The following METTL9 variants were observed in gnomAD, a reference collection of about 807,000 sequenced individuals.
METTL9 encodes the protein methyltransferase 9, His-X-His N1(pi)-histidine.
METTL9 carries 10 observed loss-of-function variants against 36.0 expected under a neutral mutation model. That is an observed-to-expected ratio of 0.28 (90% CI 0.17 to 0.47). METTL9 has a LOEUF of 0.47. METTL9 is among the 20% of genes least tolerant of loss of function. The pLI is 0.99. For missense variants in METTL9, 246 were observed against 383.5 expected (o/e 0.64, Z 3.00); for synonymous variants, 175 against 149.7 (o/e 1.17, Z -1.23).
Position 21,618,199 on chromosome 16 carries a change from T to G in METTL9, c.566+125T>G, listed in dbSNP as rs1055507570. ...CATCTCATACATAATTAACTGGAAA[T>G]GTAGAGAAATAATCTTCTGGTAGCA... is the stretch of plus-strand genomic sequence containing the variant. On this transcript the variant is annotated intron_variant, in intron 3 of 4. Transcript: ENST00000358154. 2.3e-5 allele frequency: 18 copies of G among 790,484 alleles called. No individual in the cohort carries two copies. In the South Asian group the frequency reaches 3.7e-4, roughly 16 times the overall value. The allele number at this position is 790,484 out of a possible 1,614,324, so 49.0% of individuals were successfully genotyped here.
In METTL9 at chr16:21,617,866, T is replaced by C. The variant is rs764391674; in HGVS notation, c.358T>C (p.Leu120=). 16 of 1,613,752 alleles carry C rather than the reference T, an allele frequency of 9.9e-6. No individual in the cohort carries two copies. Among genetic ancestry groups the C allele is most frequent in the Non-Finnish European group, 1.3e-5 (15 of 1,179,852 alleles). The change falls in exon 3 of 5, where the codon TTG becomes CTG. Residue 120 remains leucine, a splice_region_variant and synonymous_variant. Coordinates refer to ENST00000358154, the MANE Select transcript of METTL9 (RefSeq NM_016025.5). ...LFMSRTSING[L]LGRGSMFVFS... ...ATTTTTGTCCTTTTTTTCTTTCAGG[T>C]TGCTAGGAAGAGGCTCAATGTTTGT...
At chr16:21,620,509 C>T (rs764708019) in intron 3 of METTL9, among the ~76,000 whole-genome samples, 12 of 152,246 alleles carry the variant, frequency 7.9e-5, no homozygotes, top group Non-Finnish European at 1.5e-4. Context: ...GATGATTGAC[C>T]GCCCCAGCCT....
At chr16:21,644,742 T>G (rs1966380283) in intron 4 of METTL9, among the ~76,000 whole-genome samples, 2 of 152,236 alleles carry the variant, frequency 1.3e-5, no homozygotes, top group East Asian at 3.8e-4. Flanking sequence ...TAAAATCTCT[T>G]TTGGTAGAAA....
intron 3 of METTL9, among the ~76,000 whole-genome samples, chr16:21,623,424 T>C (rs1965750285): frequency 6.6e-6 from 1 of 152,224 alleles, no homozygotes; most frequent in South Asian, 2.1e-4. Context: ...TCTTACTGTA[T>C]CTGCTCAACA....
chr16:21,604,097 G>A (rs1442317065), intron 1 of METTL9, among the ~76,000 whole-genome samples: 1 of 152,150 alleles, frequency 6.6e-6, no homozygotes, highest in Non-Finnish European at 1.5e-5. Flanking sequence ...AGTTAACAAT[G>A]CTTCAAGGAT....
intron 1 of METTL9, among the ~76,000 whole-genome samples, chr16:21,600,497 C>T (rs1292157764): frequency 2.0e-5 from 3 of 152,182 alleles, no homozygotes; most frequent in African/African-American, 7.2e-5. Flanking sequence ...GGAACCTTCC[C>T]CTCCTACCTA....
At chr16:21,641,707 A>G (rs1432207009) in intron 4 of METTL9, 8 of 539,082 alleles carry the variant, frequency 1.5e-5, no homozygotes, top group Admixed American at 3.6e-5. Flanking sequence ...CTAAGTGTCC[A>G]TATGGTAATC....
intron 4 of METTL9, chr16:21,646,777 T>G: frequency 3.0e-6 from 1 of 328,762 alleles, no homozygotes. Context: ...TGCCTCAACC[T>G]CCCAAGCAGC....
intron 1 of METTL9, among the ~76,000 whole-genome samples, chr16:21,601,100 A>G (rs1259650477): frequency 6.6e-6 from 1 of 152,136 alleles, no homozygotes; most frequent in Non-Finnish European, 1.5e-5. Flanking sequence ...GGAATCCTAA[A>G]TTTCTGTAAA....
At chr16:21,638,296 C>T (rs749830404) in intron 4 of METTL9, among the ~76,000 whole-genome samples, 4 of 152,116 alleles carry the variant, frequency 2.6e-5, no homozygotes, top group Admixed American at 1.3e-4. Flanking sequence ...CCAGCCTGAG[C>T]GTCAAGAGCA....
chr16:21,655,354 A>G lies in METTL9; in HGVS notation c.879A>G (p.Leu293=), dbSNP rs755200572. The G allele has an allele frequency of 1.2e-5, 19 of 1,614,226 alleles. No homozygotes were observed. Among genetic ancestry groups the G allele is most frequent in the Non-Finnish European group, 1.6e-5 (19 of 1,180,032 alleles). ...AGFVIEAFTR[L]PYLCEGDMYN... ...TTGTTATCGAAGCTTTCACCAGACT[A>G]CCATACCTGTGTGAAGGCGACATGT... Residue 293 remains leucine, a synonymous_variant, in exon 5 of 5, where the codon CTA becomes CTG. Transcript: ENST00000358154.
intron 3 of METTL9, among the ~76,000 whole-genome samples, chr16:21,623,367 A>G (rs1448914177): frequency 1.3e-5 from 2 of 152,238 alleles, no homozygotes; most frequent in East Asian, 3.8e-4. Context: ...TATGCTAATG[A>G]GGTTTTCAAA....
chr16:21,647,183 G>A lies in METTL9; in HGVS notation c.752-8044G>A, dbSNP rs186067099. The A allele has an allele frequency of 1.0e-4, 168 of 1,614,036 alleles. No homozygotes were observed. The East Asian group carries it at 1.1e-3, about 11-fold the overall frequency. On this transcript the variant is annotated intron_variant, in intron 4 of 4. Coordinates refer to ENST00000358154, the MANE Select transcript of METTL9 (RefSeq NM_016025.5). ...TCCTGTCTGTTTAGCTCTCGCTTCC[G>A]GCACACTGGGGAATGCTATTCCACA...
chr16:21,644,506 T>C (rs1419365089), intron 4 of METTL9: 1 of 695,874 alleles, frequency 1.4e-6, no homozygotes, highest in Non-Finnish European at 2.5e-6. Flanking sequence ...GTGAACTTAC[T>C]CTGCTTGCCT....
intron 4 of METTL9, among the ~76,000 whole-genome samples, chr16:21,629,251 G>A (rs1459232548): frequency 6.6e-6 from 1 of 152,080 alleles, no homozygotes; most frequent in Non-Finnish European, 1.5e-5. Context: ...ACCCCCCATC[G>A]TGATGGTATT....
chr16:21,597,385 T>C (rs1046756579), upstream of METTL9: 21 of 854,520 alleles, frequency 2.5e-5, no homozygotes, highest in Non-Finnish European at 3.4e-5. Flanking sequence ...CTGCTAAATG[T>C]AAATAGCATG....
At chr16:21,620,510 G>A (rs774277580) in intron 3 of METTL9, among the ~76,000 whole-genome samples, 4 of 152,116 alleles carry the variant, frequency 2.6e-5, no homozygotes, top group African/African-American at 4.8e-5. Flanking sequence ...ATGATTGACC[G>A]CCCCAGCCTT....
rs532993318 is a variant in METTL9, at chr16:21,620,746, A to C, written c.566+2672A>C. ...CATTCCTTTCATAATATTAGTATGA[A>C]GTGAAAACATTTTCACAAAAGTGGT... On this transcript the variant is annotated intron_variant, in intron 3 of 4. Transcript: ENST00000358154. Among the ~76,000 whole-genome samples, 3 of 152,318 alleles carry C rather than the reference A, an allele frequency of 2.0e-5. No homozygotes were observed. In the East Asian group the frequency reaches 5.8e-4, roughly 29 times the overall value.
chr16:21,604,381 G>A (rs952388780), intron 1 of METTL9, among the ~76,000 whole-genome samples: 2 of 152,142 alleles, frequency 1.3e-5, no homozygotes, highest in African/African-American at 4.8e-5. Flanking sequence ...GCTCTGTTGT[G>A]TAGACCCTCT....
Sources: gnomAD v4.1 joint callset for allele counts (sites outside exome capture counted in the v4.1 genomes callset) on GRCh38, gnomAD v4.1.1 for gene constraint, MANE v1.5 for transcripts, NCBI Gene and HGNC (gene_info 2026-07-23, HGNC 2026-07-21) for gene names.